The following DCLRE1C variants were observed in gnomAD, a reference collection of about 807,000 sequenced individuals.
The protein encoded by DCLRE1C is protein artemis.
Under a neutral mutation model 61.4 loss-of-function variants are expected in DCLRE1C, and 47 were observed. The ratio of observed to expected loss-of-function variants is 0.77; its 90% CI spans 0.61 to 0.98. The LOEUF (loss-of-function observed/expected upper bound fraction) is 0.98, where lower values mean the gene tolerates loss of function less well. DCLRE1C is among the 50% of genes least tolerant of loss of function. The pLI, the probability that DCLRE1C is intolerant of heterozygous loss-of-function variation, is 0.00. For missense variants in DCLRE1C, 858 were observed against 816.0 expected (o/e 1.05, Z -0.63); for synonymous variants, 337 against 287.6 (o/e 1.17, Z -1.74).
At position 14,909,041 on chromosome 10, in the gene DCLRE1C, A is replaced by C. The variant is rs759650664; in HGVS notation, c.1446T>G (p.Ala482=). ...CTTCCCACTGGGGTACATCCCCATCAGCCTTTTGCAGGTGAAGTACAGAGC... is the reference window on the plus strand; with the variant it reads ...CTTCCCACTGGGGTACATCCCCATCCGCCTTTTGCAGGTGAAGTACAGAGC... The part of the protein sequence containing the change: ...DLGSVLHLQK[A]DGDVPQWEVF... The change falls in exon 14 of 14, where the codon GCT becomes GCG. Residue 482 remains alanine, a synonymous_variant. Coordinates refer to ENST00000378278, the MANE Select transcript of DCLRE1C (RefSeq NM_001033855.3). The C allele has an allele frequency of 6.2e-7, 1 of 1,614,162 alleles. No individual in the cohort carries two copies. The highest frequency in any genetic ancestry group is 1.1e-5 in the South Asian group (1 of 91,084).
chr10:14,909,394 T>C, intron 13 of DCLRE1C, 64 bp from the exon 14 acceptor site: 1 of 1,446,526 alleles, frequency 6.9e-7, no homozygotes, highest in South Asian at 1.2e-5. Context: ...GTAGTATTTA[T>C]CTGTACTTTT....
intron 9 of DCLRE1C, among the ~76,000 whole-genome samples, chr10:14,931,255 G>A (rs1456017268): frequency 6.6e-6 from 1 of 152,174 alleles, no homozygotes; most frequent in Non-Finnish European, 1.5e-5. Flanking sequence ...AGGAGGTTCT[G>A]TGTTGGCATT....
Position 14,905,865 on chromosome 10 carries a change from C to G in DCLRE1C, c.*2543G>C, listed in dbSNP as rs188150710. On this transcript the variant is annotated 3_prime_UTR_variant, in exon 14 of 14. Coordinates refer to ENST00000378278, the MANE Select transcript of DCLRE1C (RefSeq NM_001033855.3). The stretch of plus-strand genomic sequence containing the variant: ...CCAGGTGTGGCACACACCTGTAATC[C>G]CAGCTACTTGGGAGGCTGAGGCAGG... 5.3e-5 allele frequency among the ~76,000 whole-genome samples: 8 copies of G among 152,186 alleles called. No homozygotes were observed. Among genetic ancestry groups the G allele is most frequent in the African/African-American group, 1.7e-4 (7 of 41,492 alleles).
chr10:14,936,379 C>T (rs1029331065), intron 5 of DCLRE1C, among the ~76,000 whole-genome samples, 159 bp downstream of exon 5: 1 of 148,404 alleles, frequency 6.7e-6, no homozygotes, highest in Admixed American at 6.7e-5. Flanking sequence ...AACTCCCAAG[C>T]TCAAGCAATC....
chr10:14,898,202 C>CTTTTTTTTTTTTTTTTTTTTTTTTTT (rs919860514), exon 14 of DCLRE1C: 2 of 56,150 alleles, frequency 3.6e-5, no homozygotes, highest in Non-Finnish European at 3.5e-5. Context: ...AGTACTGTTT[C>CTTTTTTTTTTTTTTTTTTTTTTTTTT]TTTTTTTTTT....
At chr10:14,915,696 G>A (rs1836069905) in intron 13 of DCLRE1C, among the ~76,000 whole-genome samples, 1 of 150,384 alleles carries the variant, frequency 6.6e-6, no homozygotes, top group South Asian at 2.1e-4. Flanking sequence ...TGGCTTCACT[G>A]GTAAATTCTA....
chr10:14,908,865 G>T lies in DCLRE1C; in HGVS notation c.1622C>A (p.Thr541Lys). Residue 541 changes from threonine (T) to lysine (K), a missense_variant, in exon 14 of 14, where the codon ACA becomes AAA. Thr to Lys is a moderately conservative substitution (Grantham distance 78, BLOSUM62 -1). Transcript: ENST00000378278. ...HISSQNSSQS[T>K]HITEQGSQGW... ...TTGACTTCCTTGTTCTGTTATGTGT[G>T]TTGACTGGGAAGAATTCTGGGAGGA... The T allele has an allele frequency of 6.2e-7, 1 of 1,614,204 alleles. No individual in the cohort carries two copies. Among genetic ancestry groups the T allele is most frequent in the Non-Finnish European group, 8.5e-7 (1 of 1,180,034 alleles).
chr10:14,945,742 TC>T (rs1381433909), intron 2 of DCLRE1C, among the ~76,000 whole-genome samples: 3 of 132,708 alleles, frequency 2.3e-5, no homozygotes, highest in African/African-American at 8.4e-5. Context: ...CACTGCAAAC[TC>T]CACTTCCCAG....
At chr10:14,935,620 G>T in intron 5 of DCLRE1C, 56 bp from the exon 6 acceptor site, 1 of 1,490,100 alleles carries the variant, frequency 6.7e-7, no homozygotes, top group Non-Finnish European at 9.4e-7. Context: ...TCCCAATAAA[G>T]CAAATACATG....
chr10:14,913,156 A>G (rs1017848662), intron 13 of DCLRE1C, among the ~76,000 whole-genome samples: 1 of 152,278 alleles, frequency 6.6e-6, no homozygotes, highest in Non-Finnish European at 1.5e-5. Context: ...GTGCCTGGCC[A>G]TATGAGTTCT....
chr10:14,939,226 C>T (rs1461607270), intron 4 of DCLRE1C, among the ~76,000 whole-genome samples: 2 of 152,118 alleles, frequency 1.3e-5, no homozygotes, highest in Non-Finnish European at 2.9e-5. Flanking sequence ...CACTTGAGGT[C>T]AGGAGTTCAA....
At chr10:14,942,638 C>A (rs1443905263) in intron 3 of DCLRE1C, among the ~76,000 whole-genome samples, 2 of 152,110 alleles carry the variant, frequency 1.3e-5, no homozygotes, top group Non-Finnish European at 2.9e-5. Flanking sequence ...CAGTGCAGTC[C>A]CTGAGCTGGG....
At chr10:14,915,052 C>A (rs1240954168) in intron 13 of DCLRE1C, among the ~76,000 whole-genome samples, 1 of 151,232 alleles carries the variant, frequency 6.6e-6, no homozygotes, top group Non-Finnish European at 1.5e-5. Flanking sequence ...TAACAAATTT[C>A]TAAATAACCC....
chr10:14,941,269 T>C (rs946579977), intron 3 of DCLRE1C, among the ~76,000 whole-genome samples: 5 of 152,214 alleles, frequency 3.3e-5, no homozygotes, highest in African/African-American at 1.2e-4. Flanking sequence ...ACATTTCCAT[T>C]GTCCATCAGC....
chr10:14,915,195 C>T (rs924635262), intron 13 of DCLRE1C, among the ~76,000 whole-genome samples: 2 of 151,960 alleles, frequency 1.3e-5, no homozygotes, highest in Non-Finnish European at 2.9e-5. Flanking sequence ...AAAATAAGGT[C>T]TCAAATCAAC....
chr10:14,932,464 G>A (rs41297962), intron 9 of DCLRE1C, among the ~76,000 whole-genome samples: 22 of 151,682 alleles, frequency 1.5e-4, no homozygotes, highest in African/African-American at 5.1e-4. Flanking sequence ...GGCTAACCTC[G>A]TCTGTAGTAA....
intron 9 of DCLRE1C, among the ~76,000 whole-genome samples, chr10:14,931,667 A>C (rs1839016926): frequency 6.6e-6 from 1 of 152,226 alleles, no homozygotes; most frequent in African/African-American, 2.4e-5. Context: ...AACTATTTTA[A>C]AGTGTGAAAA....
chr10:14,918,983 G>C (rs1318141697), intron 13 of DCLRE1C, among the ~76,000 whole-genome samples: 1 of 152,082 alleles, frequency 6.6e-6, no homozygotes, highest in Non-Finnish European at 1.5e-5. Flanking sequence ...GGTACCCCTT[G>C]TAAGTTTGTT....
rs190041552 is a variant in DCLRE1C at position 14,945,276 on chromosome 10, T to G, written c.162-87A>C. 2.1e-6 allele frequency: 3 copies of G among 1,440,636 alleles called. No individual in the cohort carries two copies. The East Asian group carries it at 7.5e-5, about 36-fold the overall frequency. 89.2% of individuals were successfully genotyped at this position (1,440,636 alleles called of 1,614,324 possible). On this transcript the variant is annotated intron_variant, in intron 2 of 13. Coordinates refer to ENST00000378278, the MANE Select transcript of DCLRE1C (RefSeq NM_001033855.3). ...GAAATCTATTTCATCATACATCTAA[T>G]AATTTCATTTGAGACCAGTCTGACC... is the stretch of plus-strand genomic sequence containing the variant.
Sources: gnomAD v4.1 joint callset for allele counts (sites outside exome capture counted in the v4.1 genomes callset) on GRCh38, gnomAD v4.1.1 for gene constraint, MANE v1.5 for transcripts, NCBI Gene and HGNC (gene_info 2026-07-23, HGNC 2026-07-21) for gene names.